The following SMCHD1 variants were observed in gnomAD, a reference collection of about 807,000 sequenced individuals.
The protein encoded by SMCHD1 is structural maintenance of chromosomes flexible hinge domain-containing protein 1.
SMCHD1 carries 78 observed loss-of-function variants against 254.7 expected under a neutral mutation model. That is an observed-to-expected ratio of 0.31 (90% CI 0.26 to 0.37). The LOEUF (loss-of-function observed/expected upper bound fraction) is 0.37, where lower values mean the gene tolerates loss of function less well. SMCHD1 is among the 10% of genes least tolerant of loss of function. SMCHD1 has a pLI of 1.00. For missense variants in SMCHD1, 1,840 were observed against 2,408.1 expected (o/e 0.76, Z 4.94); for synonymous variants, 766 against 794.9 (o/e 0.96, Z 0.61).
chr18:2,801,744 T>C (rs1186179505), intron 47 of SMCHD1, among the ~76,000 whole-genome samples: 1 of 152,192 alleles, frequency 6.6e-6, no homozygotes, highest in Non-Finnish European at 1.5e-5. Context: ...TCATCAACTT[T>C]AAGATTTCAT....
intron 17 of SMCHD1, among the ~76,000 whole-genome samples, chr18:2,717,017 C>G (rs989568410): frequency 6.6e-6 from 1 of 152,214 alleles, no homozygotes; most frequent in South Asian, 2.1e-4. Flanking sequence ...GGAGGCTGCT[C>G]TCCTCAATAT....
At chr18:2,737,384 G>T (rs918457791) in intron 25 of SMCHD1, among the ~76,000 whole-genome samples, 6 of 151,760 alleles carry the variant, frequency 4.0e-5, no homozygotes, top group Non-Finnish European at 8.8e-5. Context: ...AAAAGTAGAG[G>T]AAAAATAAAG....
At chr18:2,667,444 C>G (rs1435087556) in intron 3 of SMCHD1, among the ~76,000 whole-genome samples, 1 of 152,178 alleles carries the variant, frequency 6.6e-6, no homozygotes, top group African/African-American at 2.4e-5. Flanking sequence ...TTTATCATTT[C>G]TTTCTACCTT....
chr18:2,673,869 G>A (rs2073677814), intron 4 of SMCHD1, 146 bp from the exon 5 acceptor site: 1 of 716,834 alleles, frequency 1.4e-6, no homozygotes, highest in Non-Finnish European at 2.2e-6. Context: ...TGCTGCTGAA[G>A]TGCCTTTCAG....
intron 29 of SMCHD1, among the ~76,000 whole-genome samples, chr18:2,745,518 T>C (rs1278658325): frequency 1.3e-5 from 2 of 152,194 alleles, no homozygotes; most frequent in African/African-American, 4.8e-5. Context: ...AGAATAATAG[T>C]GTGTTGACTA....
Position 2,748,386 on chromosome 18 carries a change from AT to A in SMCHD1, c.3927+740del, listed in dbSNP as rs1471314633. Among the ~76,000 whole-genome samples, 46 of 54,290 alleles carry A rather than the reference AT, an allele frequency of 8.5e-4. 6 individuals carry two copies. The highest frequency in any genetic ancestry group is 5.3e-3 in the African/African-American group (37 of 7,046). The allele number at this position is 54,290 out of a possible 152,430, so 35.6% of individuals were successfully genotyped here. The stretch of plus-strand genomic sequence containing the variant: ...TGTGTGTGTGTGTGTGTGTGTGTAT[AT>A]AAATTTTTTTTTTTTTTTTTTTGGA... On this transcript the variant is annotated intron_variant, in intron 30 of 47. Coordinates refer to ENST00000320876, the MANE Select transcript of SMCHD1 (RefSeq NM_015295.3).
In SMCHD1 at chr18:2,718,343, C is replaced by T; in HGVS notation, c.2367C>T (p.Thr789=). ...ATATTCAGAAGTTGGGGAATTATACCTTGAAATTACAAGTTGTGTTGAATG... is the reference window on the plus strand; with the variant it reads ...ATATTCAGAAGTTGGGGAATTATACTTTGAAATTACAAGTTGTGTTGAATG... ...MENIQKLGNY[T]LKLQVVLNES... Residue 789 remains threonine, a synonymous_variant, in exon 19 of 48, where the codon ACC becomes ACT. Transcript: ENST00000320876. This position sits in a 1 kb window ranked among gnomAD's most constrained non-coding sequence, Gnocchi z 4.6. The T allele has an allele frequency of 6.2e-7, 1 of 1,611,288 alleles. No homozygotes were observed. The highest frequency in any genetic ancestry group is 1.1e-5 in the South Asian group (1 of 90,800).
Position 2,796,525 on chromosome 18 carries a change from AGTTT to A in SMCHD1, c.5993+10_5993+13del. On this transcript the variant is annotated splice_donor_5th_base_variant and intron_variant, in intron 47 of 47. Transcript: ENST00000320876. Reference sequence around the variant, plus strand: ...GAGAAGCTACAAGACAAAATAGGTGAGTTTGTTTGACCTGAGAATTATGCTTGGT... The same window carrying A: ...GAGAAGCTACAAGACAAAATAGGTGAGTTTGACCTGAGAATTATGCTTGGT... 1 of 1,555,830 alleles carries A rather than the reference AGTTT, an allele frequency of 6.4e-7. No individual in the cohort carries two copies. Among genetic ancestry groups the A allele is most frequent in the Non-Finnish European group, 8.8e-7 (1 of 1,139,244 alleles).
intron 25 of SMCHD1, among the ~76,000 whole-genome samples, chr18:2,735,377 C>A (rs1296643066): frequency 6.6e-6 from 1 of 152,052 alleles, no homozygotes; most frequent in Admixed American, 6.6e-5. Context: ...AGAACTGGAA[C>A]AAGACAAGGA....
chr18:2,796,135 ACTTT>A, intron 46 of SMCHD1, 28 bp downstream of exon 46: 2 of 1,469,278 alleles, frequency 1.4e-6, no homozygotes, highest in South Asian at 1.4e-5. Context: ...GTTAACTTCT[ACTTT>A]CTTTATATGG....
chr18:2,759,569 C>CTTTTTTTTTTT (rs763885639), intron 34 of SMCHD1, among the ~76,000 whole-genome samples: 3 of 36,980 alleles, frequency 8.1e-5, no homozygotes, highest in Non-Finnish European at 1.4e-4. Flanking sequence ...TTTTAATTCT[C>CTTTTTTTTTTT]TCTTTTTTTT....
intron 47 of SMCHD1, among the ~76,000 whole-genome samples, chr18:2,799,257 C>T (rs891530025): frequency 2.0e-5 from 3 of 151,934 alleles, no homozygotes; most frequent in African/African-American, 7.3e-5. Context: ...AGCTATTTTA[C>T]ATTCTTTTTT....
intron 19 of SMCHD1, among the ~76,000 whole-genome samples, chr18:2,721,942 A>G (rs932562543): frequency 6.6e-6 from 1 of 152,224 alleles, no homozygotes; most frequent in African/African-American, 2.4e-5. Flanking sequence ...GATAGGCCCT[A>G]GAATTTGCAT....
At chr18:2,795,322 G>A (rs1349007159) in intron 45 of SMCHD1, among the ~76,000 whole-genome samples, 1 of 152,160 alleles carries the variant, frequency 6.6e-6, no homozygotes, top group East Asian at 1.9e-4. Context: ...ACCTTGCAAC[G>A]TGCTGGGATT....
chr18:2,705,866 G>A, intron 14 of SMCHD1, 59 bp downstream of exon 14: 2 of 1,042,312 alleles, frequency 1.9e-6, no homozygotes, highest in Admixed American at 2.0e-5. Flanking sequence ...TTGCATAATT[G>A]TTAAGATACA....
chr18:2,719,550 G>T lies in SMCHD1; in HGVS notation c.2458+1116G>T, dbSNP rs565083436. On this transcript the variant is annotated intron_variant, in intron 19 of 47. Transcript: ENST00000320876. Reference sequence around the variant, plus strand: ...CTGACCTCATGATCTGCCCTCCTTGGCTTCCCAAAGTGTTGGGGTTACAGG... The same window carrying T: ...CTGACCTCATGATCTGCCCTCCTTGTCTTCCCAAAGTGTTGGGGTTACAGG... Among the ~76,000 whole-genome samples, 296 of 152,046 alleles carry T rather than the reference G, an allele frequency of 1.9e-3. 2 individuals are homozygous for T. Among genetic ancestry groups the T allele is most frequent in the Non-Finnish European group, 2.8e-3 (189 of 67,950 alleles).
At chr18:2,732,237 CAGTGTT>C in intron 24 of SMCHD1, 22 bp from the exon 25 acceptor site, 1 of 1,554,144 alleles carries the variant, frequency 6.4e-7, no homozygotes, top group Non-Finnish European at 8.8e-7. Context: ...AGATATCACT[CAGTGTT>C]TGTGTTTTCT....
chr18:2,773,901 T>C (rs12456396), intron 41 of SMCHD1, among the ~76,000 whole-genome samples: 44,441 of 151,964 alleles, frequency 0.29, 6,740 homozygotes, highest in East Asian at 0.51. Flanking sequence ...CCAGCCTGAG[T>C]GACAGAGCGA....
chr18:2,728,344 TGG>T, intron 22 of SMCHD1, 111 bp from the exon 23 acceptor site: 5 of 1,088,746 alleles, frequency 4.6e-6, no homozygotes, highest in Non-Finnish European at 6.5e-6. Flanking sequence ...TTTTCTTTCT[TGG>T]CAATATTTAT....
Sources: gnomAD v4.1 joint callset for allele counts (sites outside exome capture counted in the v4.1 genomes callset) on GRCh38, gnomAD v4.1.1 for gene constraint, Gnocchi (gnomAD v3.1) non-coding constraint, MANE v1.5 for transcripts, NCBI Gene and HGNC (gene_info 2026-07-23, HGNC 2026-07-21) for gene names.